ERBB4: variants seen among roughly 807,000 people sequenced by gnomAD.
The protein encoded by ERBB4 is receptor tyrosine-protein kinase erbB-4.
In ERBB4, 42 loss-of-function variants were observed where a neutral mutation model predicts 158.0. That is an observed-to-expected ratio of 0.27 (90% CI 0.21 to 0.34). ERBB4 has a LOEUF of 0.34. Among genes scored for constraint, ERBB4 ranks in the 10% least tolerant of loss-of-function variants. The pLI, the probability that ERBB4 is intolerant of heterozygous loss-of-function variation, is 1.00. For missense variants in ERBB4, 1,333 were observed against 1,624.1 expected (o/e 0.82, Z 3.08); for synonymous variants, 583 against 558.7 (o/e 1.04, Z -0.61).
At chr2:211,435,297 T>C (rs2063825338) in intron 20 of ERBB4, among the ~76,000 whole-genome samples, 1 of 152,144 alleles carries the variant, frequency 6.6e-6, no homozygotes, top group South Asian at 2.1e-4. Context: ...AGAAGAATAA[T>C]ACTGACAGCA....
chr2:212,149,537 T>C (rs112124053), intron 1 of ERBB4, among the ~76,000 whole-genome samples: 92 of 152,292 alleles, frequency 6.0e-4, no homozygotes, highest in African/African-American at 2.2e-3. Context: ...TACAGGAAGG[T>C]AGAAATAGAA....
chr2:211,771,726 G>A (rs2075696924), intron 4 of ERBB4, among the ~76,000 whole-genome samples: 1 of 152,148 alleles, frequency 6.6e-6, no homozygotes, highest in South Asian at 2.1e-4. Context: ...GTGTATGTGT[G>A]TGTGTGTTTT....
At chr2:212,377,148 G>A (rs1001505561) in intron 1 of ERBB4, among the ~76,000 whole-genome samples, 4 of 150,424 alleles carry the variant, frequency 2.7e-5, no homozygotes, top group Non-Finnish European at 1.5e-5. Context: ...AAATCATAGA[G>A]GTAGTACTAA....
intron 1 of ERBB4, among the ~76,000 whole-genome samples, chr2:212,276,266 G>A (rs763046445): frequency 6.6e-6 from 1 of 151,712 alleles, no homozygotes; most frequent in Non-Finnish European, 1.5e-5. Flanking sequence ...GAAATTAAGG[G>A]AGGATGCCAC....
At chr2:211,778,836 G>A (rs1039790629) in intron 4 of ERBB4, 9 of 152,040 alleles carry the variant, frequency 5.9e-5, no homozygotes, top group African/African-American at 1.9e-4. Flanking sequence ...TCCTCATTAC[G>A]GCAGTCCTTC....
At chr2:211,757,034 C>CAAT (rs1406472038) in intron 4 of ERBB4, among the ~76,000 whole-genome samples, 1 of 152,144 alleles carries the variant, frequency 6.6e-6, no homozygotes, top group Non-Finnish European at 1.5e-5. Context: ...AGTAAAGTCT[C>CAAT]AATATGATTT....
rs1229268256 is a variant in ERBB4 at position 211,861,124 on chromosome 2, T to TTATATATATATATTTTATA, written c.422-72966_422-72965insTATAAAATATATATATATA. 4.2e-3 allele frequency among the ~76,000 whole-genome samples: 85 copies of TTATATATATATATTTTATA among 20,262 alleles called. 15 individuals carry two copies. Among genetic ancestry groups the TTATATATATATATTTTATA allele is most frequent in the East Asian group, 0.019 (9 of 482 alleles). The allele number at this position is 20,262 out of a possible 152,430, so 13.3% of individuals were successfully genotyped here. A position where few individuals can be genotyped will look rare whatever the true frequency, so the allele number is the denominator to read the frequency against. On this transcript the variant is annotated intron_variant, in intron 3 of 27. Transcript: ENST00000342788. ...CATTATATATATTTATATATATATTTTATATATATATATATATATATATAT... is the reference window on the plus strand; with the variant it reads ...CATTATATATATTTATATATATATTTTATATATATATATTTTATATATATATATATATATATATATATAT...
chr2:211,555,073 AAAT>A (rs2067201071), intron 20 of ERBB4, among the ~76,000 whole-genome samples: 1 of 152,238 alleles, frequency 6.6e-6, no homozygotes, highest in Non-Finnish European at 1.5e-5. Flanking sequence ...TATGAGCATG[AAAT>A]AATAACATGG....
intron 20 of ERBB4, among the ~76,000 whole-genome samples, chr2:211,450,867 T>G (rs1276817987): frequency 6.6e-6 from 1 of 152,134 alleles, no homozygotes; most frequent in Non-Finnish European, 1.5e-5. Flanking sequence ...TTTCACTGAC[T>G]ACAGTGAAGG....
intron 1 of ERBB4, among the ~76,000 whole-genome samples, chr2:212,424,643 A>C (rs1452329631): frequency 6.6e-6 from 1 of 152,160 alleles, no homozygotes; most frequent in Non-Finnish European, 1.5e-5. Context: ...TTGACCTCTA[A>C]TAACAGCTAT....
chr2:212,155,124 C>T (rs767029359), intron 1 of ERBB4, among the ~76,000 whole-genome samples: 4 of 152,208 alleles, frequency 2.6e-5, no homozygotes, highest in South Asian at 2.1e-4. Context: ...CCACTTGCTA[C>T]GCTTTAGTGA....
chr2:211,426,226 G>A (rs1320870409), intron 22 of ERBB4, among the ~76,000 whole-genome samples: 1 of 152,104 alleles, frequency 6.6e-6, no homozygotes, highest in Non-Finnish European at 1.5e-5. Flanking sequence ...GTTAGAAAAG[G>A]ATGGTTTCAA....
intron 25 of ERBB4, among the ~76,000 whole-genome samples, chr2:211,391,558 G>C (rs922833380): frequency 4.6e-5 from 7 of 152,150 alleles, no homozygotes; most frequent in African/African-American, 1.7e-4. Context: ...AAGGGTGATG[G>C]ATGGAATGAG....
intron 3 of ERBB4, among the ~76,000 whole-genome samples, chr2:211,937,947 T>C (rs1283120618): frequency 6.6e-6 from 1 of 152,174 alleles, no homozygotes; most frequent in African/African-American, 2.4e-5. Flanking sequence ...GTGTCATTTA[T>C]CTGACCAACA....
chr2:211,903,409 C>T (rs181888772), intron 3 of ERBB4, among the ~76,000 whole-genome samples: 1 of 151,940 alleles, frequency 6.6e-6, no homozygotes, highest in African/African-American at 2.4e-5. Context: ...GGAAAAGAAA[C>T]ATCTAAGCAA....
chr2:212,135,689 T>G (rs1014035169), intron 1 of ERBB4, among the ~76,000 whole-genome samples: 1 of 152,216 alleles, frequency 6.6e-6, no homozygotes, highest in African/African-American at 2.4e-5. Flanking sequence ...CTTTACCACA[T>G]TTTGTCACTA....
chr2:211,420,745 T>C (rs547240299), intron 24 of ERBB4, 134 bp from the exon 25 acceptor site: 1 of 799,630 alleles, frequency 1.3e-6, no homozygotes, highest in South Asian at 1.5e-5. Flanking sequence ...AAAACAAGTC[T>C]TTAGCACAAC....
chr2:212,436,514 T>C (rs1163392610), intron 1 of ERBB4, among the ~76,000 whole-genome samples: 1 of 152,060 alleles, frequency 6.6e-6, no homozygotes, highest in East Asian at 1.9e-4. Flanking sequence ...AGATAAATAT[T>C]TACTAAGTAG....
intron 13 of ERBB4, among the ~76,000 whole-genome samples, chr2:211,674,895 A>C (rs572444406): frequency 6.6e-6 from 1 of 152,190 alleles, no homozygotes; most frequent in African/African-American, 2.4e-5. Context: ...CGTTTTTCTT[A>C]TTCTTCTTCT....
Sources: allele counts gnomAD v4.1 joint callset (sites outside exome capture counted in the v4.1 genomes callset), GRCh38; gene constraint gnomAD v4.1.1; transcripts MANE v1.5; gene names NCBI Gene and HGNC (gene_info 2026-07-23, HGNC 2026-07-21).